GOLM1: variants seen among roughly 807,000 people sequenced by gnomAD.
The protein encoded by GOLM1 is golgi membrane protein 1.
GOLM1 carries 31 observed loss-of-function variants against 50.5 expected under a neutral mutation model. The observed-to-expected ratio is 0.61, with a 90% CI of 0.46 to 0.83. GOLM1 has a LOEUF of 0.83. Among genes scored for constraint, GOLM1 ranks in the 40% least tolerant of loss-of-function variants. GOLM1 has a pLI of 0.00. For synonymous variants in GOLM1, 178 were observed against 192.8 expected, an observed-to-expected ratio of 0.92 and a Z score of 0.64; for missense variants, 491 against 501.3, an observed-to-expected ratio of 0.98 and a Z score of 0.20.
chr9:86,031,080 T>A (rs909236275), intron 9 of GOLM1, among the ~76,000 whole-genome samples: 1 of 152,062 alleles, frequency 6.6e-6, no homozygotes, highest in African/African-American at 2.4e-5. Context: ...CGTGGTGGCG[T>A]GCGCCTCTAA....
At chr9:86,033,917 G>A (rs1046202582) in intron 8 of GOLM1, among the ~76,000 whole-genome samples, 2 of 151,970 alleles carry the variant, frequency 1.3e-5, no homozygotes, top group African/African-American at 2.4e-5. Flanking sequence ...CTACTCAAAG[G>A]GTTTAACTTA....
rs1161532707 is a variant in GOLM1, at chr9:86,052,594, G to A, written c.310-3C>T. On this transcript the variant is annotated splice_region_variant and splice_polypyrimidine_tract_variant and intron_variant, in intron 3 of 9. Coordinates refer to ENST00000388712, the MANE Select transcript of GOLM1 (RefSeq NM_016548.4). Reference sequence around the variant, plus strand: ...GTGATGTTATTCACCAAAACCGCCTGCAACGAAGATAAACTCGCATGAAAC... The same window carrying A: ...GTGATGTTATTCACCAAAACCGCCTACAACGAAGATAAACTCGCATGAAAC... 1 of 1,613,372 alleles carries A rather than the reference G, an allele frequency of 6.2e-7. No homozygotes were observed. Among genetic ancestry groups the A allele is most frequent in the South Asian group, 1.1e-5 (1 of 91,074 alleles).
At position 86,071,052 on chromosome 9, in the gene GOLM1, C is replaced by G. The variant is rs1834433064; in HGVS notation, c.309+6360G>C. Among the ~76,000 whole-genome samples the G allele has an allele frequency of 2.7e-5, 4 of 146,506 alleles. No individual in the cohort carries two copies. The South Asian group carries it at 8.7e-4, about 32-fold the overall frequency. On this transcript the variant is annotated intron_variant, in intron 3 of 9. Transcript: ENST00000388712. ...ATAAATTTTATCTTGTGATTCAGTA[C>G]AAACATTTACACACATATATACATG...
intron 6 of GOLM1, among the ~76,000 whole-genome samples, chr9:86,037,438 C>CAAAA (rs112398885): frequency 3.4e-4 from 20 of 59,184 alleles, no homozygotes; most frequent in African/African-American, 7.1e-4. Context: ...GACTGTCTCT[C>CAAAA]AAAAAAAAAA....
intron 9 of GOLM1, among the ~76,000 whole-genome samples, chr9:86,029,847 T>A (rs889827987): frequency 1.3e-5 from 2 of 152,120 alleles, no homozygotes; most frequent in Non-Finnish European, 1.5e-5. Flanking sequence ...GACACCTGAG[T>A]GTAGGGAATG....
chr9:86,084,222 G>C (rs752445759), intron 1 of GOLM1, among the ~76,000 whole-genome samples: 1 of 152,090 alleles, frequency 6.6e-6, no homozygotes, highest in Non-Finnish European at 1.5e-5. Context: ...ATCTATTTCT[G>C]GGTCAAAAAT....
intron 9 of GOLM1, among the ~76,000 whole-genome samples, chr9:86,031,449 GTTTTTTTTTTTTTT>G (rs774806772): frequency 3.8e-5 from 3 of 79,542 alleles, no homozygotes; most frequent in Non-Finnish European, 4.7e-5. Context: ...TACCACTGAG[GTTTTTTTTTTTTTT>G]TTTTTTTTTT....
At chr9:86,085,717 T>C (rs1834939334) in intron 1 of GOLM1, among the ~76,000 whole-genome samples, 1 of 152,154 alleles carries the variant, frequency 6.6e-6, no homozygotes. Context: ...CACTTATGAA[T>C]GAGAACATGT....
chr9:86,055,389 C>T (rs1030631813), intron 3 of GOLM1, among the ~76,000 whole-genome samples: 13 of 152,084 alleles, frequency 8.5e-5, no homozygotes, highest in African/African-American at 3.1e-4. Context: ...GCTCGCTCTG[C>T]GTGAAAAGCG....
chr9:86,058,272 G>T (rs1023766368), intron 3 of GOLM1, among the ~76,000 whole-genome samples: 1 of 152,064 alleles, frequency 6.6e-6, no homozygotes, highest in African/African-American at 2.4e-5. Context: ...AAACAGGTTG[G>T]GCAAAAGATT....
Position 86,027,728 on chromosome 9 carries a change from C to T in GOLM1, c.*89G>A, listed in dbSNP as rs1390442164. On this transcript the variant is annotated 3_prime_UTR_variant, in exon 10 of 10. Transcript: ENST00000388712. ...CTTCAGATGTACATTTTATTTAGTA[C>T]ATTTCACAGTTTTCAGTATTCAGTC... is the stretch of plus-strand genomic sequence containing the variant. The T allele has an allele frequency of 5.3e-6, 8 of 1,509,028 alleles. No homozygotes were observed. The highest frequency in any genetic ancestry group is 2.8e-5 in the African/African-American group (2 of 70,884). The allele number at this position is 1,509,028 out of a possible 1,614,324, so 93.5% of individuals were successfully genotyped here. A position where few individuals can be genotyped will look rare whatever the true frequency, so the allele number is the denominator to read the frequency against.
intron 9 of GOLM1, among the ~76,000 whole-genome samples, chr9:86,032,832 G>C (rs1194519313): frequency 6.6e-6 from 1 of 152,182 alleles, no homozygotes; most frequent in South Asian, 2.1e-4. Flanking sequence ...GACAAGGCCA[G>C]AGTTTGATAC....
chr9:86,067,456 A>G (rs140594679), intron 3 of GOLM1, among the ~76,000 whole-genome samples: 2 of 152,374 alleles, frequency 1.3e-5, no homozygotes, highest in Non-Finnish European at 2.9e-5. Flanking sequence ...TGGTTGCGTG[A>G]AGATTATTTC....
At chr9:86,031,764 G>A (rs1832991141) in intron 9 of GOLM1, among the ~76,000 whole-genome samples, 1 of 151,526 alleles carries the variant, frequency 6.6e-6, no homozygotes, top group African/African-American at 2.4e-5. Context: ...CCCAGCTGAA[G>A]TGTCTATTTC....
intron 4 of GOLM1, among the ~76,000 whole-genome samples, chr9:86,047,654 G>C (rs545539394): frequency 6.6e-6 from 1 of 152,224 alleles, no homozygotes; most frequent in South Asian, 2.1e-4. Context: ...TACCCACGAG[G>C]GGTAAATGTT....
At chr9:86,076,324 G>A (rs1834609352) in intron 3 of GOLM1, among the ~76,000 whole-genome samples, 1 of 149,840 alleles carries the variant, frequency 6.7e-6, no homozygotes, top group South Asian at 2.1e-4. Context: ...GGGAGGCTGA[G>A]GCAGGAGAAT....
intron 3 of GOLM1, among the ~76,000 whole-genome samples, chr9:86,077,118 A>G (rs1834640486): frequency 6.6e-6 from 1 of 152,174 alleles, no homozygotes; most frequent in Admixed American, 6.5e-5. Flanking sequence ...TGTTTGTGGA[A>G]AGTGGGAAGA....
chr9:86,036,403 C>T lies in GOLM1; in HGVS notation c.702G>A (p.Gln234=). The change falls in exon 7 of 10, where the codon CAG becomes CAA. Residue 234 remains glutamine, a synonymous_variant. Transcript: ENST00000388712. ...CCACTTCGGAACTGGGGGCTGGTGT[C>T]TGGGACTTGCTGTTACCAAGCACGT... The part of the protein sequence containing the change: ...KGNVLGNSKS[Q]TPAPSSEVVL... 2 of 1,614,210 alleles carry T rather than the reference C, an allele frequency of 1.2e-6. No individual in the cohort carries two copies. Among genetic ancestry groups the T allele is most frequent in the Non-Finnish European group, 1.7e-6 (2 of 1,180,038 alleles).
intron 6 of GOLM1, among the ~76,000 whole-genome samples, chr9:86,038,395 G>A (rs369688736): frequency 4.6e-5 from 7 of 152,050 alleles, no homozygotes; most frequent in Non-Finnish European, 1.0e-4. Flanking sequence ...CACGAGGAGC[G>A]CATTACCCAG....
Sources: gnomAD v4.1 joint callset for allele counts (sites outside exome capture counted in the v4.1 genomes callset) on GRCh38, gnomAD v4.1.1 for gene constraint, MANE v1.5 for transcripts, NCBI Gene and HGNC (gene_info 2026-07-23, HGNC 2026-07-21) for gene names.